The following MGAT3 variants were observed in gnomAD, a reference collection of about 807,000 sequenced individuals.
MGAT3 encodes the protein beta-1,4-mannosyl-glycoprotein 4-beta-N-acetylglucosaminyltransferase.
A neutral mutation model predicts 29.8 loss-of-function variants in MGAT3; 9 were observed. The ratio of observed to expected loss-of-function variants is 0.30; its 90% CI spans 0.18 to 0.53. MGAT3 has a LOEUF of 0.53. Among genes scored for constraint, MGAT3 ranks in the 20% least tolerant of loss-of-function variants. The probability of loss-of-function intolerance (pLI) is 0.96; values close to 1 mark genes in which losing one functional copy is unlikely to be tolerated. For synonymous variants in MGAT3, 397 were observed against 348.9 expected (o/e 1.14, Z -1.54); for missense variants, 557 against 769.5 (o/e 0.72, Z 3.27).
chr22:39,460,097 C>T lies in MGAT3; in HGVS notation c.-2+2540C>T, dbSNP rs544939025. Among the ~76,000 whole-genome samples the T allele has an allele frequency of 2.5e-4, 38 of 152,326 alleles. No individual in the cohort carries two copies. In the East Asian group the frequency reaches 6.6e-3, roughly 26 times the overall value. ...CCTCTTGGCCTCATGGGCACCCACCCGCCCAGCCAAGTCATTCAGGGTATC... is the reference window on the plus strand; with the variant it reads ...CCTCTTGGCCTCATGGGCACCCACCTGCCCAGCCAAGTCATTCAGGGTATC... On this transcript the variant is annotated intron_variant, in intron 1 of 1. Coordinates refer to ENST00000341184, the MANE Select transcript of MGAT3 (RefSeq NM_002409.5).
At chr22:39,484,037 G>A (rs1346198010) in intron 1 of MGAT3, among the ~76,000 whole-genome samples, 1 of 152,204 alleles carries the variant, frequency 6.6e-6, no homozygotes, top group Non-Finnish European at 1.5e-5. Context: ...CTGAGGTCAT[G>A]AGGGGCACCT....
intron 1 of MGAT3, among the ~76,000 whole-genome samples, chr22:39,458,120 G>A (rs891164821): frequency 5.3e-5 from 8 of 152,156 alleles, no homozygotes; most frequent in Admixed American, 5.2e-4. Context: ...CCATTTACCG[G>A]GGTGGGGGCC....
At chr22:39,470,053 C>T (rs1928765168) in intron 1 of MGAT3, among the ~76,000 whole-genome samples, 2 of 152,244 alleles carry the variant, frequency 1.3e-5, no homozygotes, top group African/African-American at 2.4e-5. Context: ...AGCAGCTGTC[C>T]CTGCAGTGCA....
In MGAT3 at chr22:39,488,197, G is replaced by A. The variant is rs1157136320; in HGVS notation, c.850G>A (p.Asp284Asn). ...LDHFPPGGRQ[D>N]GWIADDYLRT... ...CCACTTCCCGCCCGGCGGCCGGCAG[G>A]ACGGCTGGATCGCCGACGACTACCT... is the stretch of plus-strand genomic sequence containing the variant. The change falls in exon 2 of 2, where the codon GAC (aspartate) becomes AAC (asparagine). Residue 284 changes from aspartate (D) to asparagine (N), a missense_variant. Asp to Asn is a conservative substitution (Grantham distance 23). Coordinates refer to ENST00000341184, the MANE Select transcript of MGAT3 (RefSeq NM_002409.5). 1 of 1,612,864 alleles carries A rather than the reference G, an allele frequency of 6.2e-7. No homozygotes were observed. Among genetic ancestry groups the A allele is most frequent in the Non-Finnish European group, 8.5e-7 (1 of 1,179,926 alleles).
At chr22:39,486,946 TAC>T (rs981088156) in intron 1 of MGAT3, among the ~76,000 whole-genome samples, 11 of 152,348 alleles carry the variant, frequency 7.2e-5, no homozygotes, top group Non-Finnish European at 1.5e-4. Flanking sequence ...GAGGGCAGCC[TAC>T]AGCCTGCTCT....
At chr22:39,458,736 C>G (rs952323266) in intron 1 of MGAT3, among the ~76,000 whole-genome samples, 2 of 152,066 alleles carry the variant, frequency 1.3e-5, no homozygotes, top group African/African-American at 4.8e-5. Flanking sequence ...GTGGGAAGGG[C>G]GTTGTGGGCC....
chr22:39,474,898 GC>G (rs904429798), intron 1 of MGAT3, among the ~76,000 whole-genome samples: 4 of 152,246 alleles, frequency 2.6e-5, no homozygotes, highest in African/African-American at 9.6e-5. Flanking sequence ...TGCACCACTA[GC>G]CCCGGCTGGG....
intron 1 of MGAT3, among the ~76,000 whole-genome samples, chr22:39,482,539 A>C (rs1929156054): frequency 6.6e-6 from 1 of 152,254 alleles, no homozygotes; most frequent in Non-Finnish European, 1.5e-5. Context: ...CTGTTAAAAC[A>C]GGGCAGTTTA....
At chr22:39,459,047 A>C (rs1015176642) in intron 1 of MGAT3, among the ~76,000 whole-genome samples, 7 of 143,694 alleles carry the variant, frequency 4.9e-5, no homozygotes. Flanking sequence ...CACACTGGTG[A>C]TTCCTTTTTC....
chr22:39,486,291 T>C, intron 1 of MGAT3: 1 of 342,614 alleles, frequency 2.9e-6, no homozygotes, highest in Non-Finnish European at 5.6e-6. Context: ...ATTATAGGCA[T>C]GCGCCACTAC....
chr22:39,483,431 G>C (rs1929183490), intron 1 of MGAT3, among the ~76,000 whole-genome samples: 1 of 152,038 alleles, frequency 6.6e-6, no homozygotes. Context: ...GTTGTGGTGA[G>C]CTGAGATCGC....
chr22:39,469,142 G>A (rs1396753606), intron 1 of MGAT3, among the ~76,000 whole-genome samples: 1 of 151,148 alleles, frequency 6.6e-6, no homozygotes, highest in African/African-American at 2.4e-5. Context: ...AAGGGGGCAG[G>A]TGGGTGGGGA....
At position 39,487,939 on chromosome 22, in the gene MGAT3, C is replaced by T. The variant is rs764120128; in HGVS notation, c.592C>T (p.Arg198Trp). ...VQYSNLPTKE[R>W]LVPREVPRRV... ...GTACTCCAACCTGCCCACCAAGGAG[C>T]GGCTGGTGCCCAGGGAGGTGCCGCG... Residue 198 changes from arginine (R) to tryptophan (W), a missense_variant, in exon 2 of 2, where the codon CGG becomes TGG. Physicochemically the swap from Arg to Trp is moderately radical, Grantham distance 101 (BLOSUM62 -3). Coordinates refer to ENST00000341184, the MANE Select transcript of MGAT3 (RefSeq NM_002409.5). This position sits in a 1 kb window ranked among gnomAD's most constrained non-coding sequence, Gnocchi z 5.7. 8 of 1,609,196 alleles carry T rather than the reference C, an allele frequency of 5.0e-6. No homozygotes were observed. Among genetic ancestry groups the T allele is most frequent in the Non-Finnish European group, 5.9e-6 (7 of 1,178,500 alleles).
rs1445215357 is a variant in MGAT3 at position 39,457,755 on chromosome 22, G to A, written c.-2+198G>A. On this transcript the variant is annotated intron_variant, in intron 1 of 1. Transcript: ENST00000341184. The surrounding 1 kb of genome is among the most constrained non-coding windows in gnomAD (Gnocchi z 6.8). ...GGGCGGGATGCCGGGGAAGCCGCTCGGCGCGGGCCCCCTCCCCCTACCCGC... is the reference window on the plus strand; with the variant it reads ...GGGCGGGATGCCGGGGAAGCCGCTCAGCGCGGGCCCCCTCCCCCTACCCGC... Among the ~76,000 whole-genome samples, 2 of 150,678 alleles carry A rather than the reference G, an allele frequency of 1.3e-5. No homozygotes were observed. Among genetic ancestry groups the A allele is most frequent in the African/African-American group, 2.4e-5 (1 of 41,228 alleles).
In MGAT3 at chr22:39,488,900, C is replaced by G. The variant is rs749605116; in HGVS notation, c.1553C>G (p.Pro518Arg). The change falls in exon 2 of 2, where the codon CCC (proline) becomes CGC (arginine). Residue 518 changes from proline (P) to arginine (R), a missense_variant. Physicochemically the swap from Pro to Arg is moderately radical, Grantham distance 103. Coordinates refer to ENST00000341184, the MANE Select transcript of MGAT3 (RefSeq NM_002409.5). ...GCGGGCGGGTGGCGCCACAGGGGTC[C>G]CGAGGGAAGGCCGCCCGCCCGGGGC... ...TAAGGWRHRG[P>R]EGRPPARGKL... The G allele has an allele frequency of 1.9e-6, 3 of 1,601,864 alleles. No individual in the cohort carries two copies. The highest frequency in any genetic ancestry group is 2.7e-5 in the African/African-American group (2 of 74,702).
chr22:39,488,218 T>C lies in MGAT3; in HGVS notation c.871T>C (p.Tyr291His). 1.2e-6 allele frequency: 2 copies of C among 1,612,644 alleles called. No individual in the cohort carries two copies. Among genetic ancestry groups the C allele is most frequent in the Non-Finnish European group, 1.7e-6 (2 of 1,179,932 alleles). ...GCAGGACGGCTGGATCGCCGACGAC[T>C]ACCTGCGCACCTTCCTCACCCAGGA... is the stretch of plus-strand genomic sequence containing the variant. ...GRQDGWIADDYLRTFLTQDGV... is the reference protein window; with the variant it reads ...GRQDGWIADDHLRTFLTQDGV... The change falls in exon 2 of 2, where the codon TAC becomes CAC. Residue 291 changes from tyrosine to histidine, a missense_variant. Around this residue, in one of 3 missense-constraint regions of MGAT3, gnomAD observed 243 missense variants for 444.0 expected, o/e 0.55. Transcript: ENST00000341184.
chr22:39,474,223 G>T (rs1049758815), intron 1 of MGAT3, among the ~76,000 whole-genome samples: 4 of 152,186 alleles, frequency 2.6e-5, no homozygotes, highest in African/African-American at 7.2e-5. Flanking sequence ...GGGCTTAGGA[G>T]GTTGGCAGGA....
At chr22:39,458,374 G>C (rs1190747956) in intron 1 of MGAT3, among the ~76,000 whole-genome samples, 4 of 152,142 alleles carry the variant, frequency 2.6e-5, no homozygotes, top group African/African-American at 7.2e-5. Flanking sequence ...CCCTGATGGG[G>C]TGTGGGCAGA....
At chr22:39,468,550 T>C (rs1370164696) in intron 1 of MGAT3, among the ~76,000 whole-genome samples, 1 of 152,220 alleles carries the variant, frequency 6.6e-6, no homozygotes, top group African/African-American at 2.4e-5. Context: ...AGGATTCACG[T>C]AGCTAAGCTG....
Sources: gnomAD v4.1 joint callset for allele counts (sites outside exome capture counted in the v4.1 genomes callset) on GRCh38, gnomAD v4.1.1 for gene constraint, gnomAD v4.1.1 regional missense constraint, Gnocchi (gnomAD v3.1) non-coding constraint, MANE v1.5 for transcripts, NCBI Gene and HGNC (gene_info 2026-07-23, HGNC 2026-07-21) for gene names.